The following DNAH17 variants were observed in gnomAD, a reference collection of about 807,000 sequenced individuals.
The protein encoded by DNAH17 is dynein axonemal heavy chain 17, also known as axonemal beta dynein heavy chain 17.
DNAH17 carries 376 observed loss-of-function variants against 485.6 expected under a neutral mutation model. The observed-to-expected ratio is 0.77, with a 90% CI of 0.71 to 0.84. The LOEUF (loss-of-function observed/expected upper bound fraction) is 0.84. Ranked by LOEUF, DNAH17 falls within the 40% of genes least tolerant of loss-of-function variation. The pLI, the probability that DNAH17 is intolerant of heterozygous loss-of-function variation, is 0.00. For synonymous variants in DNAH17, 3,031 were observed against 2,405.9 expected (o/e 1.26, Z -7.60); for missense variants, 6,370 against 5,839.3 (o/e 1.09, Z -2.96).
chr17:78,547,261 T>C (rs184468221), intron 16 of DNAH17, among the ~76,000 whole-genome samples: 28 of 152,304 alleles, frequency 1.8e-4, no homozygotes, highest in Admixed American at 1.6e-3. Context: ...TCAGGAAGGG[T>C]ATCCAAATGG....
chr17:78,476,001 G>A, intron 52 of DNAH17, 168 bp from the exon 53 acceptor site: 2 of 690,026 alleles, frequency 2.9e-6, no homozygotes, highest in Admixed American at 3.0e-5. Flanking sequence ...GCAAACCACT[G>A]GGGCAAAATT....
intron 30 of DNAH17, among the ~76,000 whole-genome samples, chr17:78,506,513 G>C (rs2090488503): frequency 6.6e-6 from 1 of 152,200 alleles, no homozygotes; most frequent in African/African-American, 2.4e-5. Context: ...GCCAGGCCAA[G>C]TGCAGAGCAG....
intron 72 of DNAH17, among the ~76,000 whole-genome samples, chr17:78,439,662 T>G (rs1269304890): frequency 7.6e-6 from 1 of 132,140 alleles, no homozygotes; most frequent in African/African-American, 2.8e-5. Context: ...TATCAGTACT[T>G]CACTTTTTTT....
intron 77 of DNAH17, 36 bp downstream of exon 77, chr17:78,428,489 C>T (rs1179363583): frequency 1.3e-6 from 2 of 1,559,268 alleles, no homozygotes; most frequent in Middle Eastern, 1.7e-4. Flanking sequence ...GATCCTCCCC[C>T]TTCCTCTCGC....
In DNAH17 at chr17:78,441,181, C is replaced by G; in HGVS notation, c.11547G>C (p.Lys3849Asn). 6.2e-7 allele frequency: 1 copy of G among 1,613,900 alleles called. No individual in the cohort carries two copies. The highest frequency in any genetic ancestry group is 8.5e-7 in the Non-Finnish European group (1 of 1,179,882). Residue 3849 changes from lysine to asparagine, a missense_variant, in exon 72 of 81, where the codon AAG (lysine) becomes AAC (asparagine). Transcript: ENST00000389840. ...GGCCTTCCACGAACTTGCTGCCCAT[C>G]TTTTCCTCCACGAAGTTCCTAGGGG... ...TYAIKNFVEEKMGSKFVEGRS... is the reference protein window; with the variant it reads ...TYAIKNFVEENMGSKFVEGRS...
rs531303207 is a variant in DNAH17, at chr17:78,487,024, G to T, written c.6819-518C>A. Among the ~76,000 whole-genome samples, 137 of 142,050 alleles carry T rather than the reference G, an allele frequency of 9.6e-4. 1 individual carries two copies. Among genetic ancestry groups the T allele is most frequent in the African/African-American group, 3.4e-3 (129 of 38,480 alleles). 93.2% of individuals were successfully genotyped at this position (142,050 alleles called of 152,430 possible). On this transcript the variant is annotated intron_variant, in intron 44 of 80. Coordinates refer to ENST00000389840, the MANE Select transcript of DNAH17 (RefSeq NM_173628.4). ...TTTTTTTTTAAGCTTCAGTTAGTTT[G>T]AGTTGAATTTGCCATGTTCAGTGTA...
Position 78,458,647 on chromosome 17 carries a change from C to T in DNAH17, c.9895G>A (p.Ala3299Thr), listed in dbSNP as rs761678388. Residue 3299 changes from alanine (A) to threonine (T), a missense_variant, in exon 62 of 81, where the codon GCG (alanine) becomes ACG (threonine). Ala to Thr is a moderately conservative substitution (Grantham distance 58). Transcript: ENST00000389840. The stretch of plus-strand genomic sequence containing the variant: ...TTCTCAGCTGTTGCTTTTTCAAACG[C>T]TGAGGTTAGGTTGCTCAGGTTGGCG... ...LNANLSNLTS[A>T]FEKATAEKIK... 3 of 1,614,062 alleles carry T rather than the reference C, an allele frequency of 1.9e-6. No individual in the cohort carries two copies. The Admixed American group carries it at 5.0e-5, about 27-fold the overall frequency.
At position 78,494,678 on chromosome 17, in the gene DNAH17, T is replaced by C; in HGVS notation, c.6185A>G (p.Asp2062Gly). Residue 2062 changes from aspartate to glycine, a missense_variant, in exon 40 of 81, where the codon GAC becomes GGC. By Grantham distance (94) the Asp-to-Gly change is moderately conservative. Transcript: ENST00000389840. ...CAGTCCCATGAATACGGGCAGGTCG[T>C]CTGTCACAATCTTGGGGATGTTGAA... ...RDFNIPKIVT[D>G]DLPVFMGLIG... 6.2e-7 allele frequency: 1 copy of C among 1,613,958 alleles called. No homozygotes were observed. The highest frequency in any genetic ancestry group is 1.1e-5 in the South Asian group (1 of 91,086).
chr17:78,494,145 T>C lies in DNAH17; in HGVS notation c.6299A>G (p.Lys2100Arg), dbSNP rs370951279. The C allele has an allele frequency of 7.9e-5, 128 of 1,612,602 alleles. No individual in the cohort carries two copies. The highest frequency in any genetic ancestry group is 9.9e-5 in the Non-Finnish European group (117 of 1,179,758). The change falls in exon 41 of 81, where the codon AAG becomes AGG. Residue 2100 changes from lysine (K) to arginine (R), a missense_variant. By Grantham distance (26) the Lys-to-Arg change is conservative. Coordinates refer to ENST00000389840, the MANE Select transcript of DNAH17 (RefSeq NM_173628.4). The part of the protein sequence containing the change: ...KIIKQSIVEL[K>R]LQAEDSFVLK... ...CACGAAGCTGTCCTCCGCCTGCAGC[T>C]TGAGCTCCACGATGCTCTGCTTGAT...
At chr17:78,548,499 C>T (rs11656376) in intron 16 of DNAH17, among the ~76,000 whole-genome samples, 24,791 of 152,154 alleles carry the variant, frequency 0.16, 2,128 homozygotes, top group African/African-American at 0.2. Context: ...CCACTGCACC[C>T]GGCCACGGCC....
At position 78,460,017 on chromosome 17, in the gene DNAH17, G is replaced by A. The variant is rs775110937; in HGVS notation, c.9436-16C>T. ...TCAGGTTGTTCTGCAAATGACAGACGGGATGGGTCCGATGGGAGTTTGGAC... is the reference window on the plus strand; with the variant it reads ...TCAGGTTGTTCTGCAAATGACAGACAGGATGGGTCCGATGGGAGTTTGGAC... On this transcript the variant is annotated splice_polypyrimidine_tract_variant and intron_variant, in intron 59 of 80. Transcript: ENST00000389840. 2.2e-5 allele frequency: 36 copies of A among 1,611,792 alleles called. No homozygotes were observed. Among genetic ancestry groups the A allele is most frequent in the African/African-American group, 1.6e-4 (12 of 74,862 alleles).
intron 48 of DNAH17, 125 bp downstream of exon 48, chr17:78,484,743 C>CCCTG: frequency 6.8e-6 from 2 of 295,602 alleles, no homozygotes; most frequent in South Asian, 4.5e-5. Flanking sequence ...TGCAGCACCC[C>CCCTG]CCCCACCGCC....
At chr17:78,471,301 C>T (rs1424260772) in intron 54 of DNAH17, among the ~76,000 whole-genome samples, 1 of 152,148 alleles carries the variant, frequency 6.6e-6, no homozygotes, top group Admixed American at 6.5e-5. Context: ...TAAGAAAAAG[C>T]AAGGGGAAGC....
chr17:78,561,755 G>C lies in DNAH17; in HGVS notation c.1795C>G (p.Leu599Val). Residue 599 changes from leucine to valine, a missense_variant, in exon 12 of 81, where the codon CTA becomes GTA. Physicochemically the swap from Leu to Val is conservative, Grantham distance 32. Transcript: ENST00000389840. ...TTCAGGTGTTTCATGGACACCTCTA[G>C]CCTCTCCTGCAGCTCCAGGCTCCAT... ...LKWSLELQERLEVSMKHLKHV... is the reference protein window; with the variant it reads ...LKWSLELQERVEVSMKHLKHV... 1 of 1,612,638 alleles carries C rather than the reference G, an allele frequency of 6.2e-7. No homozygotes were observed. The highest frequency in any genetic ancestry group is 1.1e-5 in the South Asian group (1 of 90,736).
Position 78,492,855 on chromosome 17 carries a change from GTT to G in DNAH17, c.6409-92_6409-91del, listed in dbSNP as rs570440887. The G allele has an allele frequency of 1.8e-4, 112 of 635,204 alleles. 3 individuals carry two copies. Among genetic ancestry groups the G allele is most frequent in the Non-Finnish European group, 2.2e-4 (101 of 461,292 alleles). The allele number at this position is 635,204 out of a possible 1,614,324, so 39.3% of individuals were successfully genotyped here. A position where few individuals can be genotyped will look rare whatever the true frequency, so the allele number is the denominator to read the frequency against. On this transcript the variant is annotated intron_variant, in intron 41 of 80. Coordinates refer to ENST00000389840, the MANE Select transcript of DNAH17 (RefSeq NM_173628.4). ...TCAGGACCATGGGTGGGCCTGGATGGTTTTTTTTTTTTTGAGATGGAGTTTCA... is the reference window on the plus strand; with the variant it reads ...TCAGGACCATGGGTGGGCCTGGATGGTTTTTTTTTTTGAGATGGAGTTTCA...
intron 33 of DNAH17, 138 bp from the exon 34 acceptor site, chr17:78,502,011 G>A: frequency 1.6e-6 from 2 of 1,255,768 alleles, no homozygotes; most frequent in Non-Finnish European, 2.2e-6. Context: ...AGCGCCCTCG[G>A]TAGGCCCCAG....
intron 80 of DNAH17, chr17:78,424,399 AATCTGTGGCATTTTCAGAGCCTC>A (rs1458913325): frequency 4.3e-6 from 2 of 461,404 alleles, no homozygotes; most frequent in Non-Finnish European, 7.7e-6. Context: ...CATCCGTTTA[AATCTGTGGCATTTTCAGAGCCTC>A]ATCTGTCAGC....
In DNAH17 at chr17:78,444,592, C is replaced by G; in HGVS notation, c.11528+12G>C. 1 of 1,541,982 alleles carries G rather than the reference C, an allele frequency of 6.5e-7. No individual in the cohort carries two copies. The highest frequency in any genetic ancestry group is 2.5e-5 in the East Asian group (1 of 40,684). On this transcript the variant is annotated intron_variant, in intron 71 of 80. Transcript: ENST00000389840. ...CTCGGGGGCGGGGCCCCCGGCGCGG[C>G]GGGACACTCACTTGATAGCGTAGGT...
At chr17:78,510,900 G>T (rs1174203408) in intron 26 of DNAH17, among the ~76,000 whole-genome samples, 1 of 152,248 alleles carries the variant, frequency 6.6e-6, no homozygotes, top group African/African-American at 2.4e-5. Context: ...CTCGTGACAG[G>T]AAGGAGAGGG....
Sources: allele counts gnomAD v4.1 joint callset (sites outside exome capture counted in the v4.1 genomes callset), GRCh38; gene constraint gnomAD v4.1.1; transcripts MANE v1.5; gene names NCBI Gene and HGNC (gene_info 2026-07-23, HGNC 2026-07-21).